DDA1: variants seen among roughly 807,000 people sequenced by gnomAD.
DDA1 encodes the protein DET1 and DDB1 associated 1.
A neutral mutation model predicts 18.6 loss-of-function variants in DDA1; 3 were observed. The ratio of observed to expected loss-of-function variants is 0.16; its 90% CI spans 0.07 to 0.42. DDA1 has a LOEUF of 0.42. Ranked by LOEUF, DDA1 falls within the 10% of genes least tolerant of loss-of-function variation. The pLI is 0.99. For missense variants in DDA1, 105 were observed against 138.2 expected (o/e 0.76, Z 1.20); for synonymous variants, 52 against 54.0 (o/e 0.96, Z 0.17).
chr19:17,312,105 C>T (rs752910957), intron 1 of DDA1, among the ~76,000 whole-genome samples: 14 of 152,198 alleles, frequency 9.2e-5, no homozygotes, highest in Non-Finnish European at 1.8e-4. Context: ...TGGAATGCGT[C>T]TCTTCACAGG....
intron 1 of DDA1, 41 bp from the exon 2 acceptor site, chr19:17,313,982 C>T (rs1280699920): frequency 1.3e-6 from 2 of 1,546,852 alleles, no homozygotes; most frequent in African/African-American, 1.4e-5. Flanking sequence ...ATGAGCTGGC[C>T]CTTGCCTGTT....
intron 3 of DDA1, among the ~76,000 whole-genome samples, chr19:17,315,105 ATATATATACACACACG>A (rs964561279): frequency 2.3e-5 from 3 of 129,308 alleles, no homozygotes; most frequent in African/African-American, 3.4e-5. Context: ...ATATACACAC[ATATATATACACACACG>A]TATATATACA....
intron 4 of DDA1, among the ~76,000 whole-genome samples, chr19:17,318,657 G>A (rs1019804062): frequency 5.3e-5 from 8 of 150,754 alleles, no homozygotes; most frequent in Non-Finnish European, 1.0e-4. Context: ...GTGAGCCACC[G>A]CGCCTGGCCT....
chr19:17,313,844 C>G (rs563203256), intron 1 of DDA1, among the ~76,000 whole-genome samples, 179 bp from the exon 2 acceptor site: 1 of 152,210 alleles, frequency 6.6e-6, no homozygotes, highest in East Asian at 1.9e-4. Flanking sequence ...CATAGCCTGG[C>G]CTGGTTACTT....
chr19:17,315,290 A>G (rs772926116), intron 3 of DDA1, among the ~76,000 whole-genome samples: 1,017 of 39,956 alleles, frequency 0.025, 256 homozygotes, highest in Non-Finnish European at 0.042. Flanking sequence ...CACACACTAT[A>G]TATATACACA....
chr19:17,319,515 TCA>T, intron 4 of DDA1, 29 bp from the exon 5 acceptor site: 1 of 1,541,992 alleles, frequency 6.5e-7, no homozygotes, highest in East Asian at 2.4e-5. Context: ...AAAAAAAGAC[TCA>T]CAGCCCCTCT....
chr19:17,315,157 ATACACACGTG>A (rs2074198229), intron 3 of DDA1, among the ~76,000 whole-genome samples: 1 of 71,006 alleles, frequency 1.4e-5, no homozygotes, highest in Non-Finnish European at 2.8e-5. Context: ...ACACGTATAT[ATACACACGTG>A]TATATACACA....
rs2074169045 is a variant in DDA1, at chr19:17,309,649, C to G, written c.-6C>G. The G allele has an allele frequency of 6.2e-7, 1 of 1,612,752 alleles. No homozygotes were observed. The highest frequency in any genetic ancestry group is 1.3e-5 in the African/African-American group (1 of 74,874). On this transcript the variant is annotated 5_prime_UTR_variant, in exon 1 of 5. Coordinates refer to ENST00000359866, the MANE Select transcript of DDA1 (RefSeq NM_024050.6). ...GCGGCCGAGGCGGCGACGGAGGAAACAGAAGATGGTGAGGATGGCCTCCAG... is the reference window on the plus strand; with the variant it reads ...GCGGCCGAGGCGGCGACGGAGGAAAGAGAAGATGGTGAGGATGGCCTCCAG...
chr19:17,309,744 CCT>C, intron 1 of DDA1, 87 bp downstream of exon 1: 2 of 1,520,990 alleles, frequency 1.3e-6, no homozygotes, highest in South Asian at 1.2e-5. Flanking sequence ...CCCCTAGGCC[CCT>C]CTCCGTTCTG....
rs1260726019 is a variant in DDA1, at chr19:17,321,863, A to C, written c.*2207A>C. 6.6e-6 allele frequency: 1 copy of C among 152,558 alleles called. No homozygotes were observed. Among genetic ancestry groups the C allele is most frequent in the Non-Finnish European group, 1.5e-5 (1 of 68,294 alleles). 9.5% of individuals were successfully genotyped at this position (152,558 alleles called of 1,614,324 possible). A position where few individuals can be genotyped will look rare whatever the true frequency, so the allele number is the denominator to read the frequency against. On this transcript the variant is annotated 3_prime_UTR_variant, in exon 5 of 5. Coordinates refer to ENST00000359866, the MANE Select transcript of DDA1 (RefSeq NM_024050.6). ...CCACAGTGATGGTGCTACAGGGGCCATGTGGTCACAGGACAGGTGGTCAGG... is the reference window on the plus strand; with the variant it reads ...CCACAGTGATGGTGCTACAGGGGCCCTGTGGTCACAGGACAGGTGGTCAGG...
At chr19:17,312,931 G>A (rs967992212) in intron 1 of DDA1, among the ~76,000 whole-genome samples, 1 of 152,120 alleles carries the variant, frequency 6.6e-6, no homozygotes, top group Non-Finnish European at 1.5e-5. Flanking sequence ...GGGTGGGAGG[G>A]GGAGGCCCAC....
rs565936376 is a variant in DDA1, at chr19:17,315,346, C to T, written c.137-588C>T. Among the ~76,000 whole-genome samples the T allele has an allele frequency of 9.0e-5, 7 of 77,798 alleles. 1 individual carries two copies. The highest frequency in any genetic ancestry group is 3.5e-4 in the African/African-American group (7 of 19,898). The allele number at this position is 77,798 out of a possible 152,430, so 51.0% of individuals were successfully genotyped here. On this transcript the variant is annotated intron_variant, in intron 3 of 4. Coordinates refer to ENST00000359866, the MANE Select transcript of DDA1 (RefSeq NM_024050.6). Reference sequence around the variant, plus strand: ...ATATATATACACACGTATATATATACACGCTATATATATACGCTATATATA... The same window carrying T: ...ATATATATACACACGTATATATATATACGCTATATATATACGCTATATATA...
chr19:17,315,295 T>TATACACACACGTGTATATAC (rs2074204185), intron 3 of DDA1, among the ~76,000 whole-genome samples: 1 of 31,756 alleles, frequency 3.1e-5, no homozygotes, highest in African/African-American at 3.0e-4. Context: ...ACTATATATA[T>TATACACACACGTGTATATAC]ACACACGTGT....
intron 1 of DDA1, among the ~76,000 whole-genome samples, chr19:17,311,167 T>TA (rs1491563678): frequency 1.3e-5 from 1 of 76,000 alleles, no homozygotes; most frequent in Non-Finnish European, 3.1e-5. Flanking sequence ...AAGGAGGTTG[T>TA]TTTTTTTTTT....
intron 4 of DDA1, among the ~76,000 whole-genome samples, chr19:17,316,895 C>T (rs980703556): frequency 1.3e-5 from 2 of 151,010 alleles, no homozygotes; most frequent in Non-Finnish European, 3.0e-5. Flanking sequence ...ACAAAAAAAA[C>T]AAAAAATCTT....
In DDA1 at chr19:17,314,398, C is replaced by T. The variant is rs775332082; in HGVS notation, c.136+9C>T. Reference sequence around the variant, plus strand: ...GTACCCGTCTGAACAGAGTAAGTGGCCGCTGTCAGTCTGTCCCATTCTGGC... The same window carrying T: ...GTACCCGTCTGAACAGAGTAAGTGGTCGCTGTCAGTCTGTCCCATTCTGGC... On this transcript the variant is annotated intron_variant, in intron 3 of 4. Coordinates refer to ENST00000359866, the MANE Select transcript of DDA1 (RefSeq NM_024050.6). This position sits in a 1 kb window ranked among gnomAD's most constrained non-coding sequence, Gnocchi z 4.6. 3.1e-6 allele frequency: 5 copies of T among 1,614,248 alleles called. No homozygotes were observed. The South Asian group carries it at 3.3e-5, about 11-fold the overall frequency.
rs372867790 is a variant in DDA1, at chr19:17,314,290, C to T, written c.85-48C>T. ...TGCTGAGTGGAGGGATGAGGAGACC[C>T]CAGGCCCATGCACTCTCCTAACCCA... On this transcript the variant is annotated intron_variant, in intron 2 of 4. Transcript: ENST00000359866. This position sits in a 1 kb window ranked among gnomAD's most constrained non-coding sequence, Gnocchi z 4.6. 1.2e-6 allele frequency: 2 copies of T among 1,611,398 alleles called. No homozygotes were observed. The highest frequency in any genetic ancestry group is 1.1e-5 in the South Asian group (1 of 91,002).
chr19:17,318,880 A>C (rs549297085), intron 4 of DDA1, among the ~76,000 whole-genome samples: 1 of 150,426 alleles, frequency 6.6e-6, no homozygotes, highest in Admixed American at 6.6e-5. Flanking sequence ...GTGGCTGCCT[A>C]CCCTGCGCAA....
At position 17,315,112 on chromosome 19, in the gene DDA1, TAC is replaced by T. The variant is rs1210890775; in HGVS notation, c.136+730_136+731del. On this transcript the variant is annotated intron_variant, in intron 3 of 4. Coordinates refer to ENST00000359866, the MANE Select transcript of DDA1 (RefSeq NM_024050.6). ...ATACGTATATATACACACATATATA[TAC>T]ACACACGTATATATACACACATATA... 1.1e-3 allele frequency among the ~76,000 whole-genome samples: 132 copies of T among 121,184 alleles called. 9 individuals carry two copies. The highest frequency in any genetic ancestry group is 4.8e-3 in the African/African-American group (119 of 24,864). 79.5% of individuals were successfully genotyped at this position (121,184 alleles called of 152,430 possible). A position where few individuals can be genotyped will look rare whatever the true frequency, so the allele number is the denominator to read the frequency against.
Sources: allele counts gnomAD v4.1 joint callset (sites outside exome capture counted in the v4.1 genomes callset), GRCh38; gene constraint gnomAD v4.1.1; non-coding constraint Gnocchi (gnomAD v3.1); transcripts MANE v1.5; gene names NCBI Gene and HGNC (gene_info 2026-07-23, HGNC 2026-07-21).